The following PIP5K1B variants were observed in gnomAD, a reference collection of about 807,000 sequenced individuals.
PIP5K1B encodes the protein phosphatidylinositol-4-phosphate 5-kinase type 1 beta.
In PIP5K1B, 42 loss-of-function variants were observed where a neutral mutation model predicts 67.0. The observed-to-expected ratio is 0.63, with a 90% CI of 0.49 to 0.81. The LOEUF (loss-of-function observed/expected upper bound fraction) is 0.81. Among genes scored for constraint, PIP5K1B ranks in the 30% least tolerant of loss-of-function variants. The pLI is 0.00. For missense variants in PIP5K1B, 459 were observed against 646.3 expected (o/e 0.71, Z 3.14); for synonymous variants, 214 against 231.4 (o/e 0.92, Z 0.68).
intron 15 of PIP5K1B, among the ~76,000 whole-genome samples, chr9:68,995,902 A>G (rs1830584659): frequency 6.6e-6 from 1 of 152,094 alleles, no homozygotes; most frequent in Admixed American, 6.6e-5. Context: ...TCCTTTTGAC[A>G]TAATTTGAGT....
chr9:68,933,143 T>C (rs1827086023), intron 12 of PIP5K1B, among the ~76,000 whole-genome samples: 1 of 151,858 alleles, frequency 6.6e-6, no homozygotes, highest in Non-Finnish European at 1.5e-5. Context: ...AATACTATAT[T>C]GAAAGACAGG....
chr9:68,829,909 A>G (rs111949855), intron 4 of PIP5K1B, among the ~76,000 whole-genome samples: 264 of 152,238 alleles, frequency 1.7e-3, no homozygotes, highest in Middle Eastern at 0.014. Context: ...GATTAGTTCT[A>G]TGGGGACGGA....
chr9:68,884,017 T>C (rs898343893), intron 6 of PIP5K1B, among the ~76,000 whole-genome samples: 2 of 152,184 alleles, frequency 1.3e-5, no homozygotes, highest in African/African-American at 4.8e-5. Flanking sequence ...TGGATTAAAG[T>C]CTTAAATGGA....
At chr9:68,889,198 T>C (rs1371659724) in intron 7 of PIP5K1B, 65 bp downstream of exon 7, 5 of 1,328,834 alleles carry the variant, frequency 3.8e-6, no homozygotes, top group Non-Finnish European at 5.3e-6. Context: ...ACAGTTTTTT[T>C]CTGTTGTTTT....
intron 2 of PIP5K1B, among the ~76,000 whole-genome samples, chr9:68,777,793 G>A (rs1564126573): frequency 6.6e-6 from 1 of 152,192 alleles, no homozygotes. Flanking sequence ...GTAATATGAA[G>A]TTAACAGTAA....
At chr9:68,776,551 C>T (rs1830926932) in intron 2 of PIP5K1B, among the ~76,000 whole-genome samples, 1 of 152,134 alleles carries the variant, frequency 6.6e-6, no homozygotes, top group South Asian at 2.1e-4. Context: ...CTCAACAATG[C>T]TTCCACCTCA....
At chr9:68,906,306 G>A (rs540379281) in intron 8 of PIP5K1B, among the ~76,000 whole-genome samples, 5 of 152,230 alleles carry the variant, frequency 3.3e-5, no homozygotes, top group South Asian at 4.1e-4. Context: ...GGTGTGAGCC[G>A]CTGTACTCGG....
chr9:68,886,501 G>A (rs1824484961), intron 6 of PIP5K1B, among the ~76,000 whole-genome samples: 1 of 152,198 alleles, frequency 6.6e-6, no homozygotes, highest in South Asian at 2.1e-4. Flanking sequence ...TCCTGGAACT[G>A]TATCACAGTG....
Position 68,894,649 on chromosome 9 carries a change from T to C in PIP5K1B, c.771+11T>C, listed in dbSNP as rs1218772333. The C allele has an allele frequency of 6.2e-7, 1 of 1,611,020 alleles. No homozygotes were observed. The highest frequency in any genetic ancestry group is 1.3e-5 in the African/African-American group (1 of 74,790). ...CAGAGAGACTGCCGGGTAAGGAAGT[T>C]TGATTGTTGTGATTTCCTTTGAACT... On this transcript the variant is annotated intron_variant, in intron 8 of 15. Coordinates refer to ENST00000265382, the MANE Select transcript of PIP5K1B (RefSeq NM_003558.4).
rs139442982 is a variant in PIP5K1B at position 69,008,442 on chromosome 9, C to T, written c.1621-5C>T. ...GTCTCACACCTGCTTTTTTGCTCCC[C>T]CCAGTAAGTGAAAATGGTGATCACC... On this transcript the variant is annotated splice_region_variant and splice_polypyrimidine_tract_variant and intron_variant, in intron 15 of 15. Coordinates refer to ENST00000265382, the MANE Select transcript of PIP5K1B (RefSeq NM_003558.4). 2,537 of 1,613,760 alleles carry T rather than the reference C, an allele frequency of 1.6e-3. 31 individuals carry two copies. In the South Asian group the frequency reaches 0.02, roughly 13 times the overall value.
chr9:68,958,526 G>T (rs1258306526), intron 14 of PIP5K1B, among the ~76,000 whole-genome samples: 1 of 152,166 alleles, frequency 6.6e-6, no homozygotes, highest in Non-Finnish European at 1.5e-5. Context: ...AAATCTTAGA[G>T]AAATTTTTCT....
intron 4 of PIP5K1B, among the ~76,000 whole-genome samples, chr9:68,843,749 G>A (rs1183539188): frequency 6.6e-6 from 1 of 152,224 alleles, no homozygotes; most frequent in Non-Finnish European, 1.5e-5. Flanking sequence ...CAACGAGACT[G>A]TAGAAAATTC....
intron 4 of PIP5K1B, chr9:68,823,985 G>A (rs1833858044): frequency 2.3e-6 from 1 of 433,046 alleles, no homozygotes; most frequent in Admixed American, 2.6e-5. Flanking sequence ...AAGTGATGGT[G>A]TGGTTGGAAA....
At chr9:68,798,350 A>C (rs1213900056) in intron 2 of PIP5K1B, among the ~76,000 whole-genome samples, 1 of 152,224 alleles carries the variant, frequency 6.6e-6, no homozygotes, top group East Asian at 1.9e-4. Flanking sequence ...CTTTCACTCT[A>C]GTTCCTAATA....
At chr9:68,788,759 C>A in intron 2 of PIP5K1B, 2 of 267,302 alleles carry the variant, frequency 7.5e-6, no homozygotes, top group South Asian at 1.0e-4. Flanking sequence ...CCTCTGTGGT[C>A]TTCCCCATTG....
At chr9:68,763,906 C>A (rs1830303749) in intron 2 of PIP5K1B, among the ~76,000 whole-genome samples, 2 of 151,890 alleles carry the variant, frequency 1.3e-5, no homozygotes, top group Admixed American at 6.6e-5. Context: ...TAGATGAGTG[C>A]TTTGAAAGGC....
At chr9:68,795,177 G>A (rs1007968114) in intron 2 of PIP5K1B, among the ~76,000 whole-genome samples, 2 of 152,110 alleles carry the variant, frequency 1.3e-5, no homozygotes, top group Admixed American at 6.5e-5. Context: ...GCGTGTGTGT[G>A]TGTGTGTTTT....
chr9:68,990,170 A>G (rs1030172881), intron 14 of PIP5K1B, among the ~76,000 whole-genome samples: 5 of 152,158 alleles, frequency 3.3e-5, no homozygotes, highest in African/African-American at 1.2e-4. Context: ...AGGACATAAC[A>G]CAGTGCTCTG....
At chr9:68,875,699 G>A (rs1057157705) in intron 5 of PIP5K1B, among the ~76,000 whole-genome samples, 1 of 152,046 alleles carries the variant, frequency 6.6e-6, no homozygotes, top group Non-Finnish European at 1.5e-5. Flanking sequence ...ACTTGCATAG[G>A]CTCTCAATGT....
Sources: allele counts gnomAD v4.1 joint callset (sites outside exome capture counted in the v4.1 genomes callset), GRCh38; gene constraint gnomAD v4.1.1; transcripts MANE v1.5; gene names NCBI Gene and HGNC (gene_info 2026-07-23, HGNC 2026-07-21).